Variants in STIM2 observed in about 807,000 individuals in gnomAD.
STIM2 encodes the protein stromal interaction molecule 2.
In STIM2, 31 loss-of-function variants were observed where a neutral mutation model predicts 85.8. The ratio of observed to expected loss-of-function variants is 0.36; its 90% CI spans 0.27 to 0.49. STIM2 has a LOEUF of 0.49. STIM2 is among the 20% of genes least tolerant of loss of function. The probability of loss-of-function intolerance (pLI) is 0.98; values close to 1 mark genes in which losing one functional copy is unlikely to be tolerated. For synonymous variants in STIM2, 356 were observed against 331.1 expected (o/e 1.08, Z -0.82); for missense variants, 841 against 927.6 (o/e 0.91, Z 1.21).
At chr4:26,908,633 G>C (rs1307476692) in intron 1 of STIM2, among the ~76,000 whole-genome samples, 1 of 152,148 alleles carries the variant, frequency 6.6e-6, no homozygotes, top group Non-Finnish European at 1.5e-5. Flanking sequence ...ACAGGCACAT[G>C]CTACCACGCC....
chr4:26,969,331 T>TTTTGGG (rs1169780856), intron 3 of STIM2, among the ~76,000 whole-genome samples: 2 of 152,162 alleles, frequency 1.3e-5, no homozygotes, highest in Admixed American at 1.3e-4. Flanking sequence ...CCCAAGAGAT[T>TTTTGGG]CCTTAACTTT....
intron 1 of STIM2, among the ~76,000 whole-genome samples, chr4:26,882,470 T>G (rs1451172493): frequency 6.6e-6 from 1 of 151,998 alleles, no homozygotes; most frequent in African/African-American, 2.4e-5. Context: ...TTTGTTTTTG[T>G]TTTTTGAGAC....
At chr4:27,021,445 G>A (rs1435267089) in intron 11 of STIM2, 1 of 456,298 alleles carries the variant, frequency 2.2e-6, no homozygotes, top group Non-Finnish European at 4.4e-6. Context: ...CAAGCAGAGG[G>A]AACAGCAAAT....
intron 3 of STIM2, among the ~76,000 whole-genome samples, chr4:26,962,937 C>G (rs182535012): frequency 1.4e-3 from 219 of 152,222 alleles, no homozygotes; most frequent in African/African-American, 4.9e-3. Flanking sequence ...CTGTTCAGCA[C>G]AAGTCTTAAC....
chr4:26,955,230 T>A (rs1214409774), intron 2 of STIM2, among the ~76,000 whole-genome samples: 1 of 147,780 alleles, frequency 6.8e-6, no homozygotes, highest in Non-Finnish European at 1.5e-5. Context: ...AATAGTTAAG[T>A]GGCTAGAATA....
rs75552100 is a variant in STIM2 at position 26,933,852 on chromosome 4, A to G, written c.282+14218A>G. Reference sequence around the variant, plus strand: ...GTGTATGGATACATATATAACATATATAAACACATTCAAACTATTGTACTA... The same window carrying G: ...GTGTATGGATACATATATAACATATGTAAACACATTCAAACTATTGTACTA... On this transcript the variant is annotated intron_variant, in intron 2 of 11. Coordinates refer to ENST00000467087, the MANE Select transcript of STIM2 (RefSeq NM_020860.4). 4.0e-3 allele frequency among the ~76,000 whole-genome samples: 602 copies of G among 152,260 alleles called. 6 individuals are homozygous for G. Among genetic ancestry groups the G allele is most frequent in the African/African-American group, 0.014 (571 of 41,552 alleles).
intron 2 of STIM2, among the ~76,000 whole-genome samples, chr4:26,951,194 C>A (rs1421726711): frequency 2.0e-5 from 3 of 151,962 alleles, no homozygotes; most frequent in Non-Finnish European, 4.4e-5. Context: ...ATACAGTTAT[C>A]TGAGCGTTAC....
At chr4:26,968,219 C>T (rs781400149) in intron 3 of STIM2, among the ~76,000 whole-genome samples, 33 of 151,946 alleles carry the variant, frequency 2.2e-4, no homozygotes, top group African/African-American at 6.3e-4. Context: ...GTATGGGGAA[C>T]GGAGTGACAT....
intron 1 of STIM2, chr4:26,861,651 T>A (rs1722203450): frequency 6.6e-6 from 2 of 303,766 alleles, no homozygotes; most frequent in African/African-American, 2.2e-5. Flanking sequence ...GGTTTCTCTT[T>A]CGTGCTGCAG....
At position 26,861,022 on chromosome 4, in the gene STIM2, G is replaced by C. The variant is rs1722151039; in HGVS notation, c.-197G>C. The stretch of plus-strand genomic sequence containing the variant: ...GCCGATGGGACCAGGCTGGCGCCCG[G>C]CGGGAGCCCGTGTCTGAGGCGGCGG... On this transcript the variant is annotated 5_prime_UTR_variant, in exon 1 of 12. Transcript: ENST00000467087. 3 of 1,242,866 alleles carry C rather than the reference G, an allele frequency of 2.4e-6. No individual in the cohort carries two copies. The highest frequency in any genetic ancestry group is 3.0e-6 in the Non-Finnish European group (3 of 986,220). 77.0% of individuals were successfully genotyped at this position (1,242,866 alleles called of 1,614,324 possible).
Position 27,007,626 on chromosome 4 carries a change from C to A in STIM2, c.1075C>A (p.His359Asn). The change falls in exon 8 of 12, where the codon CAT (histidine) becomes AAT (asparagine). Residue 359 changes from histidine to asparagine, a missense_variant. Around this residue, in one of 3 missense-constraint regions of STIM2, gnomAD observed 408 missense variants for 525.4 expected, o/e 0.78. Transcript: ENST00000467087. ...ACTTCAGAAATGGCTTCAGTTAACACATGAAGTAGAAGTGCAATACTACAA... is the reference window on the plus strand; with the variant it reads ...ACTTCAGAAATGGCTTCAGTTAACAAATGAAGTAGAAGTGCAATACTACAA... 3.1e-6 allele frequency: 5 copies of A among 1,607,838 alleles called. No homozygotes were observed. The highest frequency in any genetic ancestry group is 4.2e-6 in the Non-Finnish European group (5 of 1,177,860).
chr4:26,901,001 C>G (rs939144767), intron 1 of STIM2, among the ~76,000 whole-genome samples: 1 of 152,172 alleles, frequency 6.6e-6, no homozygotes, highest in Admixed American at 6.5e-5. Context: ...TGATCCTTGT[C>G]CCTTGGTCTG....
chr4:26,878,778 T>C (rs903011956), intron 1 of STIM2, among the ~76,000 whole-genome samples: 1 of 152,128 alleles, frequency 6.6e-6, no homozygotes, highest in Admixed American at 6.5e-5. Context: ...CTTACAATCA[T>C]GGCAGAAGGC....
At chr4:26,918,026 A>G (rs1724651872) in intron 1 of STIM2, among the ~76,000 whole-genome samples, 2 of 152,116 alleles carry the variant, frequency 1.3e-5, no homozygotes, top group Non-Finnish European at 2.9e-5. Context: ...CGTTCCAAAT[A>G]TTTGTATGTA....
At chr4:26,991,128 C>T (rs1253950469) in intron 3 of STIM2, among the ~76,000 whole-genome samples, 1 of 152,062 alleles carries the variant, frequency 6.6e-6, no homozygotes, top group Non-Finnish European at 1.5e-5. Context: ...GATACCTGCA[C>T]TCTCATGTTT....
intron 1 of STIM2, among the ~76,000 whole-genome samples, chr4:26,868,513 C>A (rs1475999938): frequency 2.6e-5 from 4 of 152,092 alleles, no homozygotes; most frequent in Non-Finnish European, 4.4e-5. Context: ...ACTAAACAGC[C>A]TTATCATAAG....
intron 1 of STIM2, among the ~76,000 whole-genome samples, chr4:26,886,865 T>A (rs1184360692): frequency 6.6e-6 from 1 of 152,180 alleles, no homozygotes; most frequent in African/African-American, 2.4e-5. Flanking sequence ...CTCTAGAAGG[T>A]CTAGTCTTAG....
intron 10 of STIM2, among the ~76,000 whole-genome samples, chr4:27,015,879 A>G (rs1728716127): frequency 6.7e-6 from 1 of 148,846 alleles, no homozygotes; most frequent in Non-Finnish European, 1.5e-5. Flanking sequence ...ACTAGCCATT[A>G]TCTCTTTGAA....
At chr4:26,884,308 A>G (rs1382875918) in intron 1 of STIM2, among the ~76,000 whole-genome samples, 2 of 152,190 alleles carry the variant, frequency 1.3e-5, no homozygotes, top group East Asian at 3.8e-4. Context: ...CCCACTTAAT[A>G]GGGTTGTTGT....
Sources: allele counts gnomAD v4.1 joint callset (sites outside exome capture counted in the v4.1 genomes callset), GRCh38; gene constraint gnomAD v4.1.1; regional missense constraint gnomAD v4.1.1; transcripts MANE v1.5; gene names NCBI Gene and HGNC (gene_info 2026-07-23, HGNC 2026-07-21).